PPARD: variants seen among roughly 807,000 people sequenced by gnomAD.
PPARD encodes the protein peroxisome proliferator activated receptor delta.
Under a neutral mutation model 39.5 loss-of-function variants are expected in PPARD, and 6 were observed. The ratio of observed to expected loss-of-function variants is 0.15; its 90% CI spans 0.08 to 0.30. PPARD has a LOEUF of 0.30. Among genes scored for constraint, PPARD ranks in the 10% least tolerant of loss-of-function variants. The pLI, the probability that PPARD is intolerant of heterozygous loss-of-function variation, is 1.00. For missense variants in PPARD, 397 were observed against 596.8 expected (o/e 0.67, Z 3.49); for synonymous variants, 210 against 231.3 (o/e 0.91, Z 0.83).
In PPARD at chr6:35,424,917, G is replaced by C. The variant is rs201189619; in HGVS notation, c.1078+138G>C. The C allele has an allele frequency of 1.0e-5, 15 of 1,451,876 alleles. No homozygotes were observed. The highest frequency in any genetic ancestry group is 1.2e-5 in the Non-Finnish European group (13 of 1,106,440). The allele number at this position is 1,451,876 out of a possible 1,614,324, so 89.9% of individuals were successfully genotyped here. On this transcript the variant is annotated intron_variant, in intron 7 of 7. Coordinates refer to ENST00000360694, the MANE Select transcript of PPARD (RefSeq NM_006238.5). This position sits in a 1 kb window ranked among gnomAD's most constrained non-coding sequence, Gnocchi z 7.1. ...TGATCTTGGCAGTGGAACATGCAAG[G>C]CACTGACTGAGCATGCAGGATCAGC...
In PPARD at chr6:35,424,092, A is replaced by C; in HGVS notation, c.571A>C (p.Asn191His). ...HIYNAYLKNFNMTKKKARSIL... is the reference protein window; with the variant it reads ...HIYNAYLKNFHMTKKKARSIL... Reference sequence around the variant, plus strand: ...CTACAATGCCTACCTGAAAAACTTCAACATGACCAAAAAGAAGGCCCGCAG... The same window carrying C: ...CTACAATGCCTACCTGAAAAACTTCCACATGACCAAAAAGAAGGCCCGCAG... Residue 191 changes from asparagine to histidine, a missense_variant, in exon 6 of 8, where the codon AAC becomes CAC. Asn to His is a moderately conservative substitution (Grantham distance 68, BLOSUM62 1). Coordinates refer to ENST00000360694, the MANE Select transcript of PPARD (RefSeq NM_006238.5). This position sits in a 1 kb window ranked among gnomAD's most constrained non-coding sequence, Gnocchi z 7.1. 1 of 1,614,038 alleles carries C rather than the reference A, an allele frequency of 6.2e-7. No homozygotes were observed. The highest frequency in any genetic ancestry group is 8.5e-7 in the Non-Finnish European group (1 of 1,180,032).
At chr6:35,352,929 G>A (rs1761351308) in intron 2 of PPARD, among the ~76,000 whole-genome samples, 1 of 152,150 alleles carries the variant, frequency 6.6e-6, no homozygotes, top group Non-Finnish European at 1.5e-5. Context: ...TTGGTCTCAG[G>A]ACCAGTTCAG....
Position 35,425,742 on chromosome 6 carries a change from C to A in PPARD, c.1079-90C>A. 1 of 1,545,282 alleles carries A rather than the reference C, an allele frequency of 6.5e-7. No homozygotes were observed. Among genetic ancestry groups the A allele is most frequent in the Non-Finnish European group, 8.7e-7 (1 of 1,144,852 alleles). ...GGTCTGTCACGGCCAAGGAGGCCTGCCGTCCCCTGGGCCAAGTCACCTCTT... is the reference window on the plus strand; with the variant it reads ...GGTCTGTCACGGCCAAGGAGGCCTGACGTCCCCTGGGCCAAGTCACCTCTT... On this transcript the variant is annotated intron_variant, in intron 7 of 7. Coordinates refer to ENST00000360694, the MANE Select transcript of PPARD (RefSeq NM_006238.5). The surrounding 1 kb of genome is among the most constrained non-coding windows in gnomAD (Gnocchi z 4.5).
chr6:35,353,209 A>G (rs1005725041), intron 2 of PPARD, among the ~76,000 whole-genome samples: 11 of 152,224 alleles, frequency 7.2e-5, no homozygotes, highest in Non-Finnish European at 1.5e-4. Context: ...TGGGGGAGCC[A>G]TCAGTGGTTT....
chr6:35,423,493 A>C (rs1208441473), intron 5 of PPARD, among the ~76,000 whole-genome samples: 1 of 151,776 alleles, frequency 6.6e-6, no homozygotes, highest in Non-Finnish European at 1.5e-5. Context: ...AGATCGTGCC[A>C]CTGCACTCCA....
intron 2 of PPARD, among the ~76,000 whole-genome samples, chr6:35,382,939 T>C (rs1763233340): frequency 6.6e-6 from 1 of 152,240 alleles, no homozygotes; most frequent in Admixed American, 6.5e-5. Context: ...TTAGTGCTAC[T>C]GGTAGTGCTA....
At chr6:35,349,968 C>G (rs923254280) in intron 2 of PPARD, among the ~76,000 whole-genome samples, 2 of 152,178 alleles carry the variant, frequency 1.3e-5, no homozygotes, top group Non-Finnish European at 2.9e-5. Context: ...TCTCGAACTC[C>G]TGACCTCAAG....
intron 2 of PPARD, among the ~76,000 whole-genome samples, chr6:35,354,324 A>T (rs1176935404): frequency 3.0e-5 from 4 of 131,682 alleles, no homozygotes; most frequent in African/African-American, 1.1e-4. Flanking sequence ...TTTTTTTGAG[A>T]TGGCGTCTCA....
rs571018797 is a variant in PPARD at position 35,382,649 on chromosome 6, C to T, written c.-101-28338C>T. Reference sequence around the variant, plus strand: ...TAGAGAGGCAATGGGAAGCCTGCTGCAGAGATTTTCTAAACAGGCATATCC... The same window carrying T: ...TAGAGAGGCAATGGGAAGCCTGCTGTAGAGATTTTCTAAACAGGCATATCC... On this transcript the variant is annotated intron_variant, in intron 2 of 7. Transcript: ENST00000360694. 1.3e-5 allele frequency among the ~76,000 whole-genome samples: 2 copies of T among 152,266 alleles called. 1 individual carries two copies. Among genetic ancestry groups the T allele is most frequent in the South Asian group, 4.1e-4 (2 of 4,832 alleles).
rs1300953943 is a variant in PPARD, at chr6:35,374,315, G to GGGT, written c.-102+27167_-102+27168insTGG. Among the ~76,000 whole-genome samples the GGGT allele has an allele frequency of 6.3e-4, 95 of 150,858 alleles. 2 individuals are homozygous for GGGT. The highest frequency in any genetic ancestry group is 2.1e-3 in the African/African-American group (87 of 40,478). ...ATGGTTAGTTCTCGGCGGTGGGGCG[G>GGGT]GGGGGTTTAGTGGGCAATTGCTTTT... is the stretch of plus-strand genomic sequence containing the variant. On this transcript the variant is annotated intron_variant, in intron 2 of 7. Transcript: ENST00000360694.
chr6:35,351,667 C>T (rs1177947589), intron 2 of PPARD, among the ~76,000 whole-genome samples: 1 of 152,088 alleles, frequency 6.6e-6, no homozygotes, highest in East Asian at 1.9e-4. Context: ...AATCCTCCTG[C>T]CTCAGCGTCC....
chr6:35,351,442 G>C (rs894543261), intron 2 of PPARD, among the ~76,000 whole-genome samples: 1 of 152,192 alleles, frequency 6.6e-6, no homozygotes, highest in Admixed American at 6.5e-5. Context: ...TTTTTAAAAA[G>C]TCTTTAAGTA....
intron 2 of PPARD, among the ~76,000 whole-genome samples, chr6:35,354,263 A>G (rs554283566): frequency 2.0e-5 from 3 of 147,642 alleles, no homozygotes; most frequent in African/African-American, 7.5e-5. Flanking sequence ...AGCGATACAC[A>G]TTCAACAGAA....
chr6:35,406,524 A>G (rs73746414), intron 2 of PPARD, among the ~76,000 whole-genome samples: 6,017 of 152,244 alleles, frequency 0.04, 239 homozygotes, highest in African/African-American at 0.099. Context: ...CAGCAGTTCA[A>G]TCTAAATAGG....
At chr6:35,373,756 C>G (rs1235455309) in intron 2 of PPARD, among the ~76,000 whole-genome samples, 1 of 152,034 alleles carries the variant, frequency 6.6e-6, no homozygotes, top group Non-Finnish European at 1.5e-5. Context: ...CAGCCCTGAC[C>G]TCCCCAACTC....
chr6:35,362,596 G>A lies in PPARD; in HGVS notation c.-102+15446G>A, dbSNP rs1026568306. Among the ~76,000 whole-genome samples the A allele has an allele frequency of 3.9e-5, 6 of 152,262 alleles. No homozygotes were observed. The East Asian group carries it at 1.2e-3, about 29-fold the overall frequency. ...TAGGAAGGGTAATGCCAGGGCTGGG[G>A]GTGGGGGTCTTGGGAAGAGCAACTG... is the stretch of plus-strand genomic sequence containing the variant. On this transcript the variant is annotated intron_variant, in intron 2 of 7. Transcript: ENST00000360694.
chr6:35,416,115 C>T (rs529325243), intron 3 of PPARD, among the ~76,000 whole-genome samples: 1 of 152,192 alleles, frequency 6.6e-6, no homozygotes, highest in South Asian at 2.1e-4. Flanking sequence ...GGCACAGTGG[C>T]TCATGCCTGT....
chr6:35,362,934 A>G (rs752363470), intron 2 of PPARD, among the ~76,000 whole-genome samples: 17 of 152,108 alleles, frequency 1.1e-4, no homozygotes, highest in Non-Finnish European at 2.2e-4. Flanking sequence ...AGTTTGACAC[A>G]TCTGGTATAT....
chr6:35,374,657 CAA>C (rs372824499), intron 2 of PPARD, among the ~76,000 whole-genome samples: 27 of 80,492 alleles, frequency 3.4e-4, no homozygotes, highest in Admixed American at 5.5e-4. Flanking sequence ...GACTCTGTCT[CAA>C]AAAAAAAAAA....
Sources: allele counts gnomAD v4.1 joint callset (sites outside exome capture counted in the v4.1 genomes callset), GRCh38; gene constraint gnomAD v4.1.1; non-coding constraint Gnocchi (gnomAD v3.1); transcripts MANE v1.5; gene names NCBI Gene and HGNC (gene_info 2026-07-23, HGNC 2026-07-21).